The following LYRM4 variants were observed in gnomAD, a reference collection of about 807,000 sequenced individuals.
LYRM4 encodes LYR motif containing 4, also known as LYR motif-containing protein 4.
A neutral mutation model predicts 11.7 loss-of-function variants in LYRM4; 9 were observed. The ratio of observed to expected loss-of-function variants is 0.77; its 90% CI spans 0.46 to 1.34. The LOEUF (loss-of-function observed/expected upper bound fraction) is 1.34, where lower values mean the gene tolerates loss of function less well. LYRM4 is among the 40% of genes most tolerant of loss of function. The pLI, the probability that LYRM4 is intolerant of heterozygous loss-of-function variation, is 0.00. For missense variants in LYRM4, 133 were observed against 112.5 expected (o/e 1.18, Z -0.82); for synonymous variants, 42 against 40.4 (o/e 1.04, Z -0.15).
intron 1 of LYRM4, among the ~76,000 whole-genome samples, chr6:5,252,327 G>T (rs754691137): frequency 1.3e-5 from 2 of 152,156 alleles, no homozygotes; most frequent in Non-Finnish European, 2.9e-5. Context: ...GACCAACTGT[G>T]AGACCAATCA....
chr6:5,238,692 G>A (rs964801172), intron 1 of LYRM4, among the ~76,000 whole-genome samples: 5 of 152,146 alleles, frequency 3.3e-5, no homozygotes, highest in African/African-American at 1.2e-4. Context: ...TTATGATCCT[G>A]TTTATTTTGC....
intron 2 of LYRM4, among the ~76,000 whole-genome samples, chr6:5,214,963 CT>C (rs1354919834): frequency 2.0e-5 from 3 of 152,122 alleles, no homozygotes; most frequent in Admixed American, 6.5e-5. Flanking sequence ...CGCCCTTGCC[CT>C]GCACATGCCA....
chr6:5,100,056 G>A (rs76696219), downstream of LYRM4, among the ~76,000 whole-genome samples: 1,799 of 152,250 alleles, frequency 0.012, 34 homozygotes, highest in African/African-American at 0.041. Context: ...TGGACCTGTC[G>A]TGGCTCTTCT....
chr6:5,252,582 G>C (rs1236444260), intron 1 of LYRM4, among the ~76,000 whole-genome samples: 3 of 152,140 alleles, frequency 2.0e-5, no homozygotes, highest in African/African-American at 7.2e-5. Context: ...CTAATCAATA[G>C]TTCTTCCCAC....
At chr6:5,197,009 C>T (rs1314395046) in intron 2 of LYRM4, among the ~76,000 whole-genome samples, 1 of 152,188 alleles carries the variant, frequency 6.6e-6, no homozygotes, top group African/African-American at 2.4e-5. Context: ...TCCCCAAGTG[C>T]TTTGACACGA....
intron 2 of LYRM4, among the ~76,000 whole-genome samples, chr6:5,158,177 G>A (rs1758531102): frequency 1.3e-5 from 2 of 152,168 alleles, no homozygotes; most frequent in African/African-American, 4.8e-5. Context: ...ATGCATGTAT[G>A]TTCACAGTAT....
Position 5,256,444 on chromosome 6 carries a change from C to T in LYRM4, c.86+4204G>A, listed in dbSNP as rs541394424. Among the ~76,000 whole-genome samples the T allele has an allele frequency of 1.2e-4, 14 of 120,202 alleles. 1 individual carries two copies. Among genetic ancestry groups the T allele is most frequent in the African/African-American group, 2.6e-4 (8 of 31,348 alleles). The allele number at this position is 120,202 out of a possible 152,430, so 78.9% of individuals were successfully genotyped here. ...GGTGGAGGTTGCAGTGAGCCAAGAT[C>T]GCACCATTGCCCTCCAGCCTGGGCA... On this transcript the variant is annotated intron_variant, in intron 1 of 2. Transcript: ENST00000330636.
At chr6:5,126,291 C>T (rs1206807446) in intron 2 of LYRM4, among the ~76,000 whole-genome samples, 1 of 152,174 alleles carries the variant, frequency 6.6e-6, no homozygotes, top group East Asian at 1.9e-4. Context: ...TGGCCAGAGC[C>T]AGGCCACCAG....
At chr6:5,160,359 T>C (rs1417413146) in intron 2 of LYRM4, among the ~76,000 whole-genome samples, 3 of 152,100 alleles carry the variant, frequency 2.0e-5, no homozygotes, top group Non-Finnish European at 2.9e-5. Flanking sequence ...ACCCAAGAGA[T>C]ATGGTTTGGC....
downstream of LYRM4, among the ~76,000 whole-genome samples, chr6:5,102,328 C>T (rs1435065196): frequency 6.6e-6 from 1 of 152,148 alleles, no homozygotes; most frequent in Non-Finnish European, 1.5e-5. Flanking sequence ...TTAGCCTCAG[C>T]ATTGTAGTCC....
At chr6:5,086,225 C>T in the LYRM4 span, 1 of 1,535,464 alleles carries the variant, frequency 6.5e-7, no homozygotes, top group Non-Finnish European at 8.7e-7. Context: ...GGGCCCAGGG[C>T]CGTGACCGTG....
At chr6:5,101,574 T>A (rs538005144), downstream of LYRM4, among the ~76,000 whole-genome samples, 35 of 152,282 alleles carry the variant, frequency 2.3e-4, no homozygotes, top group Middle Eastern at 3.4e-3. Flanking sequence ...GATGAAGGAA[T>A]GAATGACTTT....
chr6:5,260,778 C>G lies in LYRM4; in HGVS notation c.-45G>C, dbSNP rs907817530. On this transcript the variant is annotated 5_prime_UTR_variant, in exon 1 of 3. Transcript: ENST00000330636. ...AAACGGGTCCTCTTCGCCGAGGTCC[C>G]AAGTACGACCCAACCCACGAAACTC... The G allele has an allele frequency of 6.5e-7, 1 of 1,536,670 alleles. No individual in the cohort carries two copies. The highest frequency in any genetic ancestry group is 8.7e-7 in the Non-Finnish European group (1 of 1,146,306).
At chr6:5,085,653 TA>T in the LYRM4 span, 5 of 1,548,592 alleles carry the variant, frequency 3.2e-6, no homozygotes, top group Non-Finnish European at 3.5e-6. Context: ...AGCTAGGGGA[TA>T]GGCCCCTGTC....
chr6:5,197,622 C>T lies in LYRM4; in HGVS notation c.207+18996G>A, dbSNP rs531555075. ...CTGGGAGGCAGAGGTTGCAGTGAGC[C>T]GAGATCATGCCACTGCACTCCAACT... On this transcript the variant is annotated intron_variant, in intron 2 of 2. Transcript: ENST00000330636. 3.1e-4 allele frequency among the ~76,000 whole-genome samples: 47 copies of T among 151,976 alleles called. 1 individual carries two copies. The South Asian group carries it at 7.3e-3, about 24-fold the overall frequency.
intron 1 of LYRM4, among the ~76,000 whole-genome samples, chr6:5,260,380 T>C (rs1764965404): frequency 6.6e-6 from 1 of 152,224 alleles, no homozygotes; most frequent in Non-Finnish European, 1.5e-5. Flanking sequence ...ATCATGCTCC[T>C]AGAATAACTA....
intron 1 of LYRM4, among the ~76,000 whole-genome samples, chr6:5,228,952 C>T (rs1439898533): frequency 7.6e-6 from 1 of 131,766 alleles, no homozygotes; most frequent in Non-Finnish European, 1.5e-5. Flanking sequence ...TGCAGCGAGC[C>T]AAGATCACGC....
At chr6:5,244,603 T>C (rs904005856) in intron 1 of LYRM4, among the ~76,000 whole-genome samples, 4 of 152,154 alleles carry the variant, frequency 2.6e-5, no homozygotes, top group Admixed American at 2.6e-4. Flanking sequence ...GATCCAGACC[T>C]GAGTCCCTTA....
intron 1 of LYRM4, among the ~76,000 whole-genome samples, chr6:5,231,103 C>T (rs560893410): frequency 3.6e-4 from 55 of 152,212 alleles, no homozygotes; most frequent in Admixed American, 5.9e-4. Flanking sequence ...GTGGTGAAAC[C>T]GTGTATCTAC....
Sources: gnomAD v4.1 joint callset for allele counts (sites outside exome capture counted in the v4.1 genomes callset) on GRCh38, gnomAD v4.1.1 for gene constraint, MANE v1.5 for transcripts, NCBI Gene and HGNC (gene_info 2026-07-23, HGNC 2026-07-21) for gene names.